Variants in SMYD3 observed in about 807,000 individuals in gnomAD.
SMYD3 encodes SET and MYND domain containing 3, also known as histone-lysine N-methyltransferase SMYD3.
Under a neutral mutation model 57.7 loss-of-function variants are expected in SMYD3, and 36 were observed. That is an observed-to-expected ratio of 0.62 (90% CI 0.48 to 0.82). The LOEUF is 0.82. Among genes scored for constraint, SMYD3 ranks in the 40% least tolerant of loss-of-function variants. The pLI is 0.00. For missense variants in SMYD3, 515 were observed against 538.8 expected (o/e 0.96, Z 0.44); for synonymous variants, 211 against 195.0 (o/e 1.08, Z -0.68).
At chr1:245,931,909 A>T (rs1250632152) in intron 5 of SMYD3, among the ~76,000 whole-genome samples, 1 of 152,248 alleles carries the variant, frequency 6.6e-6, no homozygotes, top group African/African-American at 2.4e-5. Context: ...GAGCAAAATT[A>T]TACATATATA....
intron 5 of SMYD3, among the ~76,000 whole-genome samples, chr1:246,139,932 T>C (rs2148110051): frequency 6.6e-6 from 1 of 152,342 alleles, no homozygotes; most frequent in East Asian, 1.9e-4. Flanking sequence ...CAGCTCTCCC[T>C]TTCATTAAGA....
At chr1:246,167,502 G>GT (rs564629044) in intron 5 of SMYD3, among the ~76,000 whole-genome samples, 26 of 147,022 alleles carry the variant, frequency 1.8e-4, no homozygotes, top group East Asian at 1.6e-3. Flanking sequence ...CCTCATTACG[G>GT]TTTTTTTTTC....
At chr1:246,292,529 T>C (rs2064715898) in intron 5 of SMYD3, among the ~76,000 whole-genome samples, 1 of 152,250 alleles carries the variant, frequency 6.6e-6, no homozygotes, top group Admixed American at 6.5e-5. Context: ...TTAGACTTAC[T>C]ATCACTGTCA....
chr1:246,061,587 A>G (rs2060253065), intron 5 of SMYD3, among the ~76,000 whole-genome samples: 1 of 151,834 alleles, frequency 6.6e-6, no homozygotes, highest in Admixed American at 6.6e-5. Flanking sequence ...AAAATTAGCT[A>G]GTCATGGTAG....
intron 5 of SMYD3, among the ~76,000 whole-genome samples, chr1:245,951,764 C>T (rs1470573025): frequency 6.6e-6 from 1 of 151,484 alleles, no homozygotes; most frequent in African/African-American, 2.4e-5. Context: ...AACCAGTCAC[C>T]CTACTCTTCA....
Position 246,478,792 on chromosome 1 carries a change from C to T in SMYD3, c.164+28262G>A, listed in dbSNP as rs12733258. Among the ~76,000 whole-genome samples, 68 of 47,108 alleles carry T rather than the reference C, an allele frequency of 1.4e-3. 1 individual carries two copies. The highest frequency in any genetic ancestry group is 9.6e-3 in the East Asian group (4 of 416). 30.9% of individuals were successfully genotyped at this position (47,108 alleles called of 152,430 possible). A position where few individuals can be genotyped will look rare whatever the true frequency, so the allele number is the denominator to read the frequency against. On this transcript the variant is annotated intron_variant, in intron 1 of 11. Transcript: ENST00000490107. ...TCATATATGTACACCTGTCCTCCGT[C>T]CTGGAGCTGGTACATAAGTGCTCAT...
intron 5 of SMYD3, among the ~76,000 whole-genome samples, chr1:246,187,937 C>CT (rs150618523): frequency 0.016 from 2,505 of 152,020 alleles, 66 homozygotes; most frequent in African/African-American, 0.058. Flanking sequence ...GTCTTGGTGG[C>CT]TCACATTCCT....
chr1:245,776,005 A>G (rs1402908518), intron 10 of SMYD3, among the ~76,000 whole-genome samples: 1 of 152,188 alleles, frequency 6.6e-6, no homozygotes, highest in East Asian at 1.9e-4. Flanking sequence ...AAAATATGGT[A>G]AAAATTAAAA....
chr1:246,252,730 C>A (rs2063816923), intron 5 of SMYD3, among the ~76,000 whole-genome samples: 1 of 152,038 alleles, frequency 6.6e-6, no homozygotes, highest in Non-Finnish European at 1.5e-5. Context: ...TTATTATTTC[C>A]CAAAACCTAT....
chr1:246,238,925 T>C (rs2063556443), intron 5 of SMYD3, among the ~76,000 whole-genome samples: 1 of 151,138 alleles, frequency 6.6e-6, no homozygotes, highest in African/African-American at 2.4e-5. Flanking sequence ...GAAATTACTT[T>C]TTACTTCAGT....
rs978870878 is a variant in SMYD3 at position 246,219,244 on chromosome 1, C to T, written c.531+107957G>A. On this transcript the variant is annotated intron_variant, in intron 5 of 11. Transcript: ENST00000490107. ...CACCTGTGGCCCTATCCCACCCCAC[C>T]CTGTGCCTATAAAAACCCCAGATCC... Among the ~76,000 whole-genome samples the T allele has an allele frequency of 5.9e-5, 9 of 152,158 alleles. No homozygotes were observed. In the East Asian group the frequency reaches 1.7e-3, roughly 29 times the overall value.
chr1:246,500,979 A>T (rs1398936080), intron 1 of SMYD3, among the ~76,000 whole-genome samples: 3 of 152,202 alleles, frequency 2.0e-5, no homozygotes, highest in African/African-American at 7.2e-5. Flanking sequence ...CCCAAACCAC[A>T]TTATTATCAA....
chr1:246,049,442 G>T (rs897215026), intron 5 of SMYD3, among the ~76,000 whole-genome samples: 10 of 149,094 alleles, frequency 6.7e-5, no homozygotes, highest in African/African-American at 2.5e-4. Flanking sequence ...GACTACAGGC[G>T]CCCGCCACCA....
At chr1:246,190,176 C>T (rs1237173657) in intron 5 of SMYD3, among the ~76,000 whole-genome samples, 1 of 152,156 alleles carries the variant, frequency 6.6e-6, no homozygotes, top group East Asian at 1.9e-4. Flanking sequence ...GTTACATAAT[C>T]GCTCTCAATC....
chr1:246,138,942 C>T (rs552803184), intron 5 of SMYD3, among the ~76,000 whole-genome samples: 1 of 152,100 alleles, frequency 6.6e-6, no homozygotes, highest in Non-Finnish European at 1.5e-5. Context: ...GGGGACAGAG[C>T]CTTCACAATC....
intron 7 of SMYD3, among the ~76,000 whole-genome samples, chr1:245,917,186 C>T (rs1482838476): frequency 1.3e-5 from 2 of 152,134 alleles, no homozygotes; most frequent in African/African-American, 4.8e-5. Context: ...CATGTACCAC[C>T]ACACTGGCTA....
At chr1:246,387,152 G>A (rs1407633385) in intron 1 of SMYD3, among the ~76,000 whole-genome samples, 5 of 152,062 alleles carry the variant, frequency 3.3e-5, no homozygotes, top group Non-Finnish European at 7.4e-5. Flanking sequence ...AAATAACTGT[G>A]GATAAATATC....
chr1:246,083,361 C>G, intron 5 of SMYD3, among the ~76,000 whole-genome samples: 1 of 152,156 alleles, frequency 6.6e-6, no homozygotes, highest in East Asian at 1.9e-4. Context: ...ACTTTTTTCT[C>G]TAACTTGTTT....
chr1:245,807,717 C>T (rs564146252), intron 10 of SMYD3, among the ~76,000 whole-genome samples: 45 of 151,604 alleles, frequency 3.0e-4, no homozygotes, highest in African/African-American at 9.0e-4. Context: ...CTTTCAGAGA[C>T]GCATCAAGTG....
Sources: gnomAD v4.1 joint callset for allele counts (sites outside exome capture counted in the v4.1 genomes callset) on GRCh38, gnomAD v4.1.1 for gene constraint, MANE v1.5 for transcripts, NCBI Gene and HGNC (gene_info 2026-07-23, HGNC 2026-07-21) for gene names.